Variants in SNX4 observed in about 807,000 individuals in gnomAD.
SNX4 encodes sorting nexin-4.
A neutral mutation model predicts 70.8 loss-of-function variants in SNX4; 49 were observed. The ratio of observed to expected loss-of-function variants is 0.69; its 90% CI spans 0.55 to 0.88. SNX4 has a LOEUF of 0.88. Among genes scored for constraint, SNX4 ranks in the 40% least tolerant of loss-of-function variants. SNX4 has a pLI of 0.00. For missense variants in SNX4, 528 were observed against 544.8 expected (o/e 0.97, Z 0.31); for synonymous variants, 206 against 183.8 (o/e 1.12, Z -0.98).
At chr3:125,464,873 T>C (rs9825553) in intron 9 of SNX4, among the ~76,000 whole-genome samples, 2,519 of 152,164 alleles carry the variant, frequency 0.017, 67 homozygotes, top group African/African-American at 0.056. Context: ...GCTTCCTGAG[T>C]AGCTGGGACT....
intron 12 of SNX4, 85 bp downstream of exon 12, chr3:125,453,725 T>C: frequency 7.7e-7 from 1 of 1,290,572 alleles, no homozygotes; most frequent in South Asian, 1.7e-5. Context: ...CTGGGAATTG[T>C]TACCAAAATA....
At chr3:125,448,663 T>C (rs1359609137) in intron 13 of SNX4, among the ~76,000 whole-genome samples, 1 of 149,832 alleles carries the variant, frequency 6.7e-6, no homozygotes, top group Non-Finnish European at 1.5e-5. Context: ...ACTTAAGGGT[T>C]TTTTCCTTTT....
intron 9 of SNX4, among the ~76,000 whole-genome samples, chr3:125,462,946 G>A (rs1277601974): frequency 2.0e-5 from 3 of 152,114 alleles, no homozygotes; most frequent in African/African-American, 4.8e-5. Flanking sequence ...ACCTAGAGTC[G>A]GCCTCGTGTG....
Position 125,453,907 on chromosome 3 carries a change from GAC to G in SNX4, c.1091_1092del (p.Gly364AlafsTer20). 6.2e-7 allele frequency: 1 copy of G among 1,613,860 alleles called. No individual in the cohort carries two copies. The highest frequency in any genetic ancestry group is 8.5e-7 in the Non-Finnish European group (1 of 1,179,914). ...SLKGMTTKLF[G>X]QETPEQREAR... is the part of the protein sequence containing the mutation. ...GCTTCTCTCTGCTCTGGAGTTTCTTGACCAAAGAGCTTGGTAGTCATTCCCTT... is the reference window on the plus strand; with the variant it reads ...GCTTCTCTCTGCTCTGGAGTTTCTTGCAAAGAGCTTGGTAGTCATTCCCTT... On this transcript the variant is annotated frameshift_variant, in exon 12 of 14. Transcript: ENST00000251775. LOFTEE classifies it high-confidence loss of function.
At chr3:125,460,581 C>T (rs150332510) in intron 10 of SNX4, among the ~76,000 whole-genome samples, 190 bp downstream of exon 10, 24 of 152,298 alleles carry the variant, frequency 1.6e-4, no homozygotes, top group African/African-American at 5.5e-4. Context: ...AATGATGCTT[C>T]GAGGGCAGGC....
intron 8 of SNX4, 63 bp from the exon 9 acceptor site, chr3:125,469,582 G>A (rs976962473): frequency 2.6e-5 from 29 of 1,123,956 alleles, no homozygotes; most frequent in Admixed American, 9.0e-5. Flanking sequence ...GTATTAAATG[G>A]ACTCTTTTCA....
chr3:125,451,813 G>A (rs1175712587), intron 12 of SNX4, among the ~76,000 whole-genome samples: 1 of 151,994 alleles, frequency 6.6e-6, no homozygotes, highest in Admixed American at 6.6e-5. Context: ...TTTTAGTAGA[G>A]ACAGGGTTTC....
intron 6 of SNX4, among the ~76,000 whole-genome samples, chr3:125,481,601 A>G (rs1413364160): frequency 6.6e-6 from 1 of 152,036 alleles, no homozygotes; most frequent in Non-Finnish European, 1.5e-5. Context: ...GGCATGTACC[A>G]CCACACCCGT....
intron 6 of SNX4, among the ~76,000 whole-genome samples, chr3:125,486,285 C>T (rs750704236): frequency 3.3e-5 from 5 of 152,104 alleles, no homozygotes; most frequent in African/African-American, 7.2e-5. Flanking sequence ...ATAACCTCAA[C>T]GTATCACAAC....
chr3:125,454,366 G>C (rs1050854482), intron 11 of SNX4, among the ~76,000 whole-genome samples: 3 of 152,176 alleles, frequency 2.0e-5, no homozygotes, highest in Admixed American at 6.5e-5. Context: ...ATTGTGAACT[G>C]CGCATGTGAG....
chr3:125,486,926 T>G (rs1428583787), intron 6 of SNX4, among the ~76,000 whole-genome samples: 2 of 152,224 alleles, frequency 1.3e-5, no homozygotes, highest in Non-Finnish European at 2.9e-5. Flanking sequence ...TATATGTATA[T>G]GCAATCCAAT....
At chr3:125,448,669 CTTTTTTTTTTTTT>C (rs921502028) in intron 13 of SNX4, among the ~76,000 whole-genome samples, 60 of 95,376 alleles carry the variant, frequency 6.3e-4, no homozygotes, top group Admixed American at 1.8e-3. Flanking sequence ...GGGTTTTTTC[CTTTTTTTTTTTTT>C]TTTTTTTTTT....
intron 2 of SNX4, among the ~76,000 whole-genome samples, chr3:125,501,000 C>T (rs1423976521): frequency 1.3e-5 from 2 of 151,632 alleles, no homozygotes; most frequent in Non-Finnish European, 2.9e-5. Context: ...AGGTAAGCTA[C>T]ATGACAGAAG....
chr3:125,498,844 T>C (rs1486965249), intron 2 of SNX4, among the ~76,000 whole-genome samples: 2 of 152,222 alleles, frequency 1.3e-5, no homozygotes, highest in Non-Finnish European at 2.9e-5. Context: ...TTTTATAATA[T>C]GATAAAATCT....
chr3:125,464,161 T>G (rs1559811689), intron 9 of SNX4, among the ~76,000 whole-genome samples: 1 of 152,188 alleles, frequency 6.6e-6, no homozygotes, highest in Non-Finnish European at 1.5e-5. Context: ...GCATAATCAT[T>G]ACCACCACCC....
intron 11 of SNX4, 114 bp from the exon 12 acceptor site, chr3:125,454,069 A>G: frequency 1.2e-6 from 1 of 811,710 alleles, no homozygotes; most frequent in Non-Finnish European, 1.9e-6. Flanking sequence ...ATGCTACAAC[A>G]TGGATAAACC....
chr3:125,467,741 A>G (rs1934070079), intron 9 of SNX4, among the ~76,000 whole-genome samples: 3 of 152,328 alleles, frequency 2.0e-5, no homozygotes, highest in Non-Finnish European at 4.4e-5. Flanking sequence ...AGGTCAAAAA[A>G]TAACATGCTG....
At chr3:125,513,659 T>C (rs1162978311) in intron 1 of SNX4, among the ~76,000 whole-genome samples, 1 of 152,206 alleles carries the variant, frequency 6.6e-6, no homozygotes, top group African/African-American at 2.4e-5. Flanking sequence ...TACTTCCTTA[T>C]CACCTTTTTT....
At position 125,460,857 on chromosome 3, in the gene SNX4, A is replaced by G. The variant is rs754121259; in HGVS notation, c.858T>C (p.Tyr286=). 19 of 1,446,080 alleles carry G rather than the reference A, an allele frequency of 1.3e-5. No homozygotes were observed. Among genetic ancestry groups the G allele is most frequent in the Non-Finnish European group, 1.0e-5 (11 of 1,058,404 alleles). 89.6% of individuals were successfully genotyped at this position (1,446,080 alleles called of 1,614,324 possible). The part of the protein sequence containing the change: ...LQSAGHHMDV[Y]ASSIDDILED... ...CCAAAATATCATCAATAGAAGATGCATACCTGTTTTAAAAAAAAAAACACA... is the reference window on the plus strand; with the variant it reads ...CCAAAATATCATCAATAGAAGATGCGTACCTGTTTTAAAAAAAAAAACACA... The change falls in exon 10 of 14, where the codon TAT becomes TAC. Residue 286 remains tyrosine (Y), a synonymous_variant. Transcript: ENST00000251775.
Sources: allele counts gnomAD v4.1 joint callset (sites outside exome capture counted in the v4.1 genomes callset), GRCh38; gene constraint gnomAD v4.1.1; transcripts MANE v1.5; gene names NCBI Gene and HGNC (gene_info 2026-07-23, HGNC 2026-07-21).